AURKA: variants seen among roughly 807,000 people sequenced by gnomAD.
The protein encoded by AURKA is aurora 2.
AURKA carries 12 observed loss-of-function variants against 40.9 expected under a neutral mutation model. The observed-to-expected ratio is 0.29, with a 90% CI of 0.19 to 0.48. AURKA has a LOEUF of 0.48. Ranked by LOEUF, AURKA falls within the 20% of genes least tolerant of loss-of-function variation. The pLI, the probability that AURKA is intolerant of heterozygous loss-of-function variation, is 0.99. For synonymous variants in AURKA, 170 were observed against 164.3 expected (o/e 1.03, Z -0.26); for missense variants, 322 against 462.1 (o/e 0.70, Z 2.78).
intron 6 of AURKA, among the ~76,000 whole-genome samples, chr20:56,375,482 T>C (rs968019314): frequency 2.6e-5 from 4 of 152,116 alleles, no homozygotes; most frequent in Non-Finnish European, 4.4e-5. Context: ...TGTTTGAATA[T>C]TGAAAAAATA....
intron 7 of AURKA, among the ~76,000 whole-genome samples, chr20:56,372,728 C>T (rs546366100): frequency 6.7e-4 from 102 of 152,078 alleles, no homozygotes; most frequent in African/African-American, 2.4e-3. Flanking sequence ...AAAACTTCAT[C>T]GGTAGATATA....
chr20:56,370,051 C>T lies in AURKA; in HGVS notation c.*107G>A, dbSNP rs1983898004. 6 of 1,358,664 alleles carry T rather than the reference C, an allele frequency of 4.4e-6. No homozygotes were observed. Among genetic ancestry groups the T allele is most frequent in the South Asian group, 1.2e-5 (1 of 85,270 alleles). 84.2% of individuals were successfully genotyped at this position (1,358,664 alleles called of 1,614,324 possible). On this transcript the variant is annotated 3_prime_UTR_variant, in exon 9 of 9. Coordinates refer to ENST00000395915, the MANE Select transcript of AURKA (RefSeq NM_198437.3). ...AGTAAAACAAATATTTCTTGTGTAG[C>T]GTTCTAGATTGAGGGCAGCAGTCAA...
At chr20:56,381,619 A>T (rs1214099229) in intron 5 of AURKA, 48 bp from the exon 6 acceptor site, 2 of 1,608,188 alleles carry the variant, frequency 1.2e-6, no homozygotes. Flanking sequence ...AGCTCACAGA[A>T]GACTATGTAC....
intron 6 of AURKA, among the ~76,000 whole-genome samples, chr20:56,380,179 A>AC (rs1336123477): frequency 6.6e-6 from 1 of 151,110 alleles, no homozygotes; most frequent in Admixed American, 6.6e-5. Context: ...ATATGGTGAA[A>AC]CCCCGTCTCT....
chr20:56,380,002 CA>C (rs901407427), intron 6 of AURKA, among the ~76,000 whole-genome samples: 2 of 145,016 alleles, frequency 1.4e-5, no homozygotes, highest in Non-Finnish European at 3.0e-5. Context: ...AAAAACAAAC[CA>C]AAAAAAAACC....
At chr20:56,384,628 G>C (rs777080669) in intron 3 of AURKA, among the ~76,000 whole-genome samples, 2 of 152,116 alleles carry the variant, frequency 1.3e-5, no homozygotes, top group Non-Finnish European at 2.9e-5. Flanking sequence ...CCAAAGAAGA[G>C]CTTTTGTGGC....
At chr20:56,385,465 T>TC (rs1345779826) in intron 3 of AURKA, among the ~76,000 whole-genome samples, 1 of 151,570 alleles carries the variant, frequency 6.6e-6, no homozygotes, top group African/African-American at 2.4e-5. Context: ...ACAGTAAATT[T>TC]TTTTTTTTTT....
Position 56,369,933 on chromosome 20 carries a change from A to G in AURKA, c.*225T>C. 1 of 642,216 alleles carries G rather than the reference A, an allele frequency of 1.6e-6. No homozygotes were observed. The highest frequency in any genetic ancestry group is 2.3e-5 in the Admixed American group (1 of 44,250). The allele number at this position is 642,216 out of a possible 1,614,324, so 39.8% of individuals were successfully genotyped here. ...TTGCCTCCAGATTATGAACCAGTAT[A>G]AGTAGCACAATTCTCGTGGCTACTT... is the stretch of plus-strand genomic sequence containing the variant. On this transcript the variant is annotated 3_prime_UTR_variant, in exon 9 of 9. Transcript: ENST00000395915.
rs1395901468 is a variant in AURKA at position 56,388,219 on chromosome 20, G to A, written c.-5-17C>T. Reference sequence around the variant, plus strand: ...CCATGATGCCTGAAAAGAAAAAGAAGAACCTTTAATTTGAACAAAGCCACC... The same window carrying A: ...CCATGATGCCTGAAAAGAAAAAGAAAAACCTTTAATTTGAACAAAGCCACC... On this transcript the variant is annotated splice_polypyrimidine_tract_variant and intron_variant, in intron 1 of 8. Coordinates refer to ENST00000395915, the MANE Select transcript of AURKA (RefSeq NM_198437.3). 3.8e-6 allele frequency: 4 copies of A among 1,046,242 alleles called. No individual in the cohort carries two copies. Among genetic ancestry groups the A allele is most frequent in the Non-Finnish European group, 3.5e-6 (3 of 868,412 alleles). 64.8% of individuals were successfully genotyped at this position (1,046,242 alleles called of 1,614,324 possible).
At chr20:56,386,189 T>C (rs1209428697) in intron 3 of AURKA, 68 bp downstream of exon 3, 3 of 1,585,780 alleles carry the variant, frequency 1.9e-6, no homozygotes, top group Non-Finnish European at 2.6e-6. Context: ...AGTGCAAGTA[T>C]ATACACTGGC....
rs1258514153 is a variant in AURKA at position 56,370,686 on chromosome 20, A to G, written c.855-27T>C. 4 of 1,613,478 alleles carry G rather than the reference A, an allele frequency of 2.5e-6. No individual in the cohort carries two copies. The East Asian group carries it at 8.9e-5, about 36-fold the overall frequency. ...TGAAAACGGAGGGAGGCTCAGGTTG[A>G]TGTGCTTCTCGTTTTATGATCACAA... On this transcript the variant is annotated intron_variant, in intron 7 of 8. Transcript: ENST00000395915.
intron 6 of AURKA, among the ~76,000 whole-genome samples, chr20:56,375,836 G>A (rs771123532): frequency 6.6e-6 from 1 of 152,218 alleles, no homozygotes; most frequent in South Asian, 2.1e-4. Context: ...CTCTGGCACT[G>A]CCACTTCCTC....
At chr20:56,374,797 C>T (rs1244416600) in intron 6 of AURKA, among the ~76,000 whole-genome samples, 20 of 152,126 alleles carry the variant, frequency 1.3e-4, no homozygotes, top group Non-Finnish European at 2.9e-5. Context: ...CCTGTAATCC[C>T]AGCACTTTGG....
At chr20:56,378,264 G>GT (rs1470168336) in intron 6 of AURKA, among the ~76,000 whole-genome samples, 5 of 152,240 alleles carry the variant, frequency 3.3e-5, no homozygotes, top group South Asian at 4.1e-4. Context: ...TTGTATAATG[G>GT]TATCAGAATT....
At chr20:56,383,804 G>A (rs534713437) in intron 4 of AURKA, among the ~76,000 whole-genome samples, 1 of 152,302 alleles carries the variant, frequency 6.6e-6, no homozygotes, top group East Asian at 1.9e-4. Flanking sequence ...AGACTGAGAG[G>A]AGGCTTTTAG....
At chr20:56,374,191 G>A (rs1984633659) in intron 6 of AURKA, among the ~76,000 whole-genome samples, 1 of 152,170 alleles carries the variant, frequency 6.6e-6, no homozygotes, top group Non-Finnish European at 1.5e-5. Context: ...CTGGTGCCAT[G>A]TCAATGCAAA....
chr20:56,381,648 T>G (rs548388798), intron 5 of AURKA, 77 bp from the exon 6 acceptor site: 42 of 1,578,504 alleles, frequency 2.7e-5, no homozygotes, highest in Admixed American at 6.7e-5. Context: ...AAACAAACTC[T>G]TCATGTAAAA....
At chr20:56,378,531 T>C (rs1332309330) in intron 6 of AURKA, among the ~76,000 whole-genome samples, 1 of 152,188 alleles carries the variant, frequency 6.6e-6, no homozygotes, top group Middle Eastern at 3.2e-3. Flanking sequence ...AGCACTCCTA[T>C]ATATGTGCCC....
intron 6 of AURKA, among the ~76,000 whole-genome samples, chr20:56,377,969 C>T (rs965073857): frequency 2.0e-5 from 3 of 152,050 alleles, no homozygotes; most frequent in Non-Finnish European, 2.9e-5. Context: ...ATTTCGAAAC[C>T]GACCTGGGCA....
Sources: allele counts gnomAD v4.1 joint callset (sites outside exome capture counted in the v4.1 genomes callset), GRCh38; gene constraint gnomAD v4.1.1; transcripts MANE v1.5; gene names NCBI Gene and HGNC (gene_info 2026-07-23, HGNC 2026-07-21).